Variants in HIVEP1 observed in about 807,000 individuals in gnomAD.
HIVEP1 encodes zinc finger protein 40.
In HIVEP1, 36 loss-of-function variants were observed where a neutral mutation model predicts 180.0. The observed-to-expected ratio is 0.20, with a 90% CI of 0.15 to 0.26. The LOEUF is 0.26. HIVEP1 is among the 10% of genes least tolerant of loss of function. The pLI is 1.00. For synonymous variants in HIVEP1, 1,239 were observed against 1,239.0 expected (o/e 1.00, Z 0.00); for missense variants, 3,143 against 3,268.7 (o/e 0.96, Z 0.94).
chr6:12,161,799 G>T lies in HIVEP1; in HGVS notation c.6848G>T (p.Arg2283Ile). The T allele has an allele frequency of 6.2e-7, 1 of 1,614,184 alleles. No individual in the cohort carries two copies. Among genetic ancestry groups the T allele is most frequent in the Non-Finnish European group, 8.5e-7 (1 of 1,180,032 alleles). ...GGGAAGGCCAGGCAGCGTGCTGCGAGAGATGAAAACGACACAATTCCGTCT... is the reference window on the plus strand; with the variant it reads ...GGGAAGGCCAGGCAGCGTGCTGCGATAGATGAAAACGACACAATTCCGTCT... Reference protein sequence around the residue: ...SPGKARQRAARDENDTIPSVD... With the variant: ...SPGKARQRAAIDENDTIPSVD... The change falls in exon 8 of 9, where the codon AGA (arginine) becomes ATA (isoleucine). Residue 2283 changes from arginine to isoleucine, a missense_variant. By Grantham distance (97) the Arg-to-Ile change is moderately conservative. Around this residue, in one of 12 missense-constraint regions of HIVEP1, gnomAD observed 595 missense variants for 602.2 expected, o/e 0.99. Transcript: ENST00000379388.
chr6:12,153,496 T>G (rs1759826929), intron 7 of HIVEP1, among the ~76,000 whole-genome samples: 1 of 145,470 alleles, frequency 6.9e-6, no homozygotes, highest in African/African-American at 2.5e-5. Context: ...GATGCTAACT[T>G]AGGATCCAGG....
intron 2 of HIVEP1, among the ~76,000 whole-genome samples, chr6:12,088,097 A>T (rs114182312): frequency 0.022 from 3,357 of 152,260 alleles, 53 homozygotes; most frequent in Non-Finnish European, 0.035. Flanking sequence ...TTCTGGCAAG[A>T]TAGGGAGAGA....
At chr6:12,180,568 A>C in the HIVEP1 span, among the ~76,000 whole-genome samples, 1 of 152,214 alleles carries the variant, frequency 6.6e-6, no homozygotes, top group African/African-American at 2.4e-5. Context: ...GTAATTATAA[A>C]TAGATGTGTT....
At chr6:12,176,682 G>GT in the HIVEP1 span, among the ~76,000 whole-genome samples, 38 of 151,144 alleles carry the variant, frequency 2.5e-4, no homozygotes, top group African/African-American at 3.4e-4. Context: ...ACAAAGCATT[G>GT]TTTTTTTTTC....
downstream of HIVEP1, among the ~76,000 whole-genome samples, chr6:12,168,398 T>TAA (rs1760817409): frequency 2.3e-5 from 3 of 130,940 alleles, no homozygotes; most frequent in Non-Finnish European, 3.3e-5. Flanking sequence ...ATATATAATA[T>TAA]TTTATATAAT....
intron 7 of HIVEP1, among the ~76,000 whole-genome samples, chr6:12,149,663 A>G (rs1233195577): frequency 1.3e-5 from 2 of 152,060 alleles, no homozygotes; most frequent in Admixed American, 1.3e-4. Flanking sequence ...TTTTTCACTA[A>G]AGGTTTTCTC....
At chr6:12,022,703 GT>G (rs760039230) in intron 2 of HIVEP1, among the ~76,000 whole-genome samples, 5 of 152,296 alleles carry the variant, frequency 3.3e-5, no homozygotes, top group East Asian at 1.9e-4. Flanking sequence ...ACTGGTTTAT[GT>G]CAGACTCCTT....
chr6:12,122,805 G>T lies in HIVEP1; in HGVS notation c.3010G>T (p.Gly1004Cys), dbSNP rs12525664. 6.2e-7 allele frequency: 1 copy of T among 1,613,532 alleles called. No homozygotes were observed. The highest frequency in any genetic ancestry group is 1.3e-5 in the African/African-American group (1 of 74,810). ...AGAACCTGAGCACAGCCCTGTGCCC[G>T]GCGGTCTGCAGCCTCAGATTCTACA... ...MREPEHSPVP[G>C]GLQPQILHYR... Residue 1004 changes from glycine (G) to cysteine (C), a missense_variant, in exon 4 of 9, where the codon GGC becomes TGC. Transcript: ENST00000379388.
chr6:12,032,328 G>A (rs2113645478), intron 2 of HIVEP1, among the ~76,000 whole-genome samples: 1 of 151,906 alleles, frequency 6.6e-6, no homozygotes, highest in Admixed American at 6.6e-5. Context: ...TTTTTTAGTA[G>A]AGACAGGGTT....
At chr6:12,151,855 G>T (rs1318854967) in intron 7 of HIVEP1, among the ~76,000 whole-genome samples, 2 of 152,288 alleles carry the variant, frequency 1.3e-5, no homozygotes, top group East Asian at 3.9e-4. Context: ...CATGCAGCTG[G>T]TGACCATAGT....
the HIVEP1 span, among the ~76,000 whole-genome samples, chr6:12,209,283 A>G: frequency 2.0e-5 from 3 of 152,178 alleles, no homozygotes; most frequent in South Asian, 6.2e-4. Context: ...AATGTAAAAA[A>G]TTAGCCTGGT....
Position 12,163,939 on chromosome 6 carries a change from G to T in HIVEP1, c.7635G>T (p.Gln2545His). 2 of 1,614,112 alleles carry T rather than the reference G, an allele frequency of 1.2e-6. No individual in the cohort carries two copies. The highest frequency in any genetic ancestry group is 1.7e-6 in the Non-Finnish European group (2 of 1,180,016). ...CTCAGGCACACATTCCAGGTCTCCA[G>T]ATCTTGAACATAGCATTGCCCACCT... ...PAPQAHIPGLQILNIALPTLI... is the reference protein window; with the variant it reads ...PAPQAHIPGLHILNIALPTLI... Residue 2545 changes from glutamine (Q) to histidine (H), a missense_variant, in exon 9 of 9, where the codon CAG (glutamine) becomes CAT (histidine). Gln to His is a conservative substitution (Grantham distance 24). Coordinates refer to ENST00000379388, the MANE Select transcript of HIVEP1 (RefSeq NM_002114.4).
At chr6:12,089,091 A>G (rs1773291296) in intron 2 of HIVEP1, 93 bp from the exon 3 acceptor site, 1 of 650,762 alleles carries the variant, frequency 1.5e-6, no homozygotes, top group Non-Finnish European at 2.7e-6. Context: ...TTTACTAGGT[A>G]TCTGACACTG....
At position 12,121,990 on chromosome 6, in the gene HIVEP1, C is replaced by T. The variant is rs1561964743; in HGVS notation, c.2195C>T (p.Pro732Leu). ...ACAGGGGAAAAGGCATTGCTTTTAC[C>T]AGGTCAGATGCGCCCACCTTTGGCC... is the stretch of plus-strand genomic sequence containing the variant. ...LPTGEKALLL[P>L]GQMRPPLATK... is the part of the protein sequence containing the mutation. Residue 732 changes from proline to leucine, a missense_variant, in exon 4 of 9, where the codon CCA (proline) becomes CTA (leucine). Coordinates refer to ENST00000379388, the MANE Select transcript of HIVEP1 (RefSeq NM_002114.4). The surrounding 1 kb of genome is among the most constrained non-coding windows in gnomAD (Gnocchi z 5.3). 2 of 1,614,142 alleles carry T rather than the reference C, an allele frequency of 1.2e-6. No homozygotes were observed. Among genetic ancestry groups the T allele is most frequent in the South Asian group, 1.1e-5 (1 of 91,080 alleles).
chr6:12,111,351 C>G (rs543756185), intron 3 of HIVEP1, among the ~76,000 whole-genome samples: 3 of 152,326 alleles, frequency 2.0e-5, no homozygotes, highest in African/African-American at 7.2e-5. Flanking sequence ...TATTCATTTT[C>G]TTTTGCTGCG....
chr6:12,024,490 A>G (rs1039495184), intron 2 of HIVEP1, among the ~76,000 whole-genome samples: 1 of 152,150 alleles, frequency 6.6e-6, no homozygotes, highest in Non-Finnish European at 1.5e-5. Flanking sequence ...CTTGATTTTT[A>G]TGGTCCTTAT....
rs547014583 is a variant in HIVEP1 at position 12,046,941 on chromosome 6, A to G, written c.40+31273A>G. 4.4e-4 allele frequency among the ~76,000 whole-genome samples: 66 copies of G among 148,828 alleles called. No homozygotes were observed. The South Asian group carries it at 0.012, about 26-fold the overall frequency. On this transcript the variant is annotated intron_variant, in intron 2 of 8. Transcript: ENST00000379388. ...AGTGGCGTGACCTTGGCTCACTGCAATCTTCGCCTCCTGGGTTCAAGCAAT... is the reference window on the plus strand; with the variant it reads ...AGTGGCGTGACCTTGGCTCACTGCAGTCTTCGCCTCCTGGGTTCAAGCAAT...
chr6:12,158,888 T>C (rs1760224588), intron 7 of HIVEP1, among the ~76,000 whole-genome samples: 1 of 152,152 alleles, frequency 6.6e-6, no homozygotes, highest in Non-Finnish European at 1.5e-5. Flanking sequence ...GAGTTACTGC[T>C]TCTCTCCCCC....
At chr6:12,188,655 T>C in the HIVEP1 span, among the ~76,000 whole-genome samples, 1 of 152,060 alleles carries the variant, frequency 6.6e-6, no homozygotes, top group Non-Finnish European at 1.5e-5. Flanking sequence ...AAGAAATATA[T>C]AAGATCTATA....
Sources: gnomAD v4.1 joint callset for allele counts (sites outside exome capture counted in the v4.1 genomes callset) on GRCh38, gnomAD v4.1.1 for gene constraint, gnomAD v4.1.1 regional missense constraint, Gnocchi (gnomAD v3.1) non-coding constraint, MANE v1.5 for transcripts, NCBI Gene and HGNC (gene_info 2026-07-23, HGNC 2026-07-21) for gene names.